The following MTERF3 variants were observed in gnomAD, a reference collection of about 807,000 sequenced individuals.
The protein encoded by MTERF3 is transcription termination factor 3, mitochondrial.
MTERF3 carries 40 observed loss-of-function variants against 40.5 expected under a neutral mutation model. The ratio of observed to expected loss-of-function variants is 0.99; its 90% CI spans 0.77 to 1.29. MTERF3 has a LOEUF of 1.29. Among genes scored for constraint, MTERF3 ranks in the 50% most tolerant of loss-of-function variants. MTERF3 has a pLI of 0.00. For synonymous variants in MTERF3, 158 were observed against 166.6 expected, an observed-to-expected ratio of 0.95 and a Z score of 0.40; for missense variants, 452 against 478.2, an observed-to-expected ratio of 0.95 and a Z score of 0.51.
intron 3 of MTERF3, among the ~76,000 whole-genome samples, chr8:96,252,370 C>G (rs993718322): frequency 5.9e-5 from 9 of 152,126 alleles, no homozygotes; most frequent in African/African-American, 2.2e-4. Flanking sequence ...AAAAAATTAT[C>G]TTTATATCTT....
rs573117503 is a variant in MTERF3, at chr8:96,244,108, C to T, written c.898-28G>A. ...AAAAGAAAGTAAATTTGCTATGAAT[C>T]GTTATGTAGAAATAGTTATTTTGGT... On this transcript the variant is annotated intron_variant, in intron 6 of 7. Coordinates refer to ENST00000287025, the MANE Select transcript of MTERF3 (RefSeq NM_015942.5). 8.5e-5 allele frequency: 134 copies of T among 1,584,670 alleles called. No homozygotes were observed. The Admixed American group carries it at 1.8e-3, about 21-fold the overall frequency.
At chr8:96,250,648 A>AAGG in intron 4 of MTERF3, among the ~76,000 whole-genome samples, 1 of 27,520 alleles carries the variant, frequency 3.6e-5, no homozygotes, top group Admixed American at 2.7e-4. Context: ...GAAGAAGAAG[A>AAGG]AGAAGAAGAA....
intron 3 of MTERF3, 81 bp from the exon 4 acceptor site, chr8:96,251,176 C>T: frequency 8.8e-7 from 1 of 1,134,806 alleles, no homozygotes; most frequent in Non-Finnish European, 1.2e-6. Context: ...CAAGAAATTA[C>T]TGATGGAGAT....
chr8:96,259,935 G>A (rs910723425), intron 1 of MTERF3, among the ~76,000 whole-genome samples: 9 of 151,032 alleles, frequency 6.0e-5, no homozygotes, highest in African/African-American at 2.2e-4. Flanking sequence ...ACGGAGTTTC[G>A]CCCTTGTTGC....
At chr8:96,247,886 G>A (rs1217160473) in intron 4 of MTERF3, among the ~76,000 whole-genome samples, 3 of 151,964 alleles carry the variant, frequency 2.0e-5, no homozygotes, top group South Asian at 2.1e-4. Flanking sequence ...AACGTTTACC[G>A]AAAAAGAAAA....
Position 96,243,843 on chromosome 8 carries a change from G to T in MTERF3, c.1059+76C>A, listed in dbSNP as rs535668805. 7.4e-6 allele frequency: 11 copies of T among 1,483,276 alleles called. No homozygotes were observed. In the South Asian group the frequency reaches 1.4e-4, roughly 18 times the overall value. 91.9% of individuals were successfully genotyped at this position (1,483,276 alleles called of 1,614,324 possible). On this transcript the variant is annotated intron_variant, in intron 7 of 7. Transcript: ENST00000287025. ...AATTGTAAACTCTTCCCAGCGTACAGAACTATGCAGCTGGAGAGCAGCTCC... is the reference window on the plus strand; with the variant it reads ...AATTGTAAACTCTTCCCAGCGTACATAACTATGCAGCTGGAGAGCAGCTCC...
intron 1 of MTERF3, among the ~76,000 whole-genome samples, chr8:96,259,892 T>TTTA (rs749355403): frequency 4.2e-4 from 63 of 151,412 alleles, no homozygotes; most frequent in African/African-American, 1.0e-3. Flanking sequence ...TCTGCAATTA[T>TTTA]TTATTATTAT....
chr8:96,244,895 G>A (rs940918077), intron 6 of MTERF3, among the ~76,000 whole-genome samples: 3 of 152,288 alleles, frequency 2.0e-5, no homozygotes, highest in Non-Finnish European at 2.9e-5. Flanking sequence ...ACATGGGAGC[G>A]CTGCAGGTCA....
intron 3 of MTERF3, among the ~76,000 whole-genome samples, chr8:96,252,444 A>C (rs1810203337): frequency 6.6e-6 from 1 of 152,198 alleles, no homozygotes; most frequent in Non-Finnish European, 1.5e-5. Context: ...AAAACAAAAA[A>C]AATTACGTTT....
At chr8:96,247,520 A>G (rs1403098620) in intron 4 of MTERF3, among the ~76,000 whole-genome samples, 2 of 152,202 alleles carry the variant, frequency 1.3e-5, no homozygotes, top group Non-Finnish European at 2.9e-5. Context: ...CTTGTGAGCC[A>G]AGTGAATTTT....
chr8:96,245,640 A>C (rs1175683305), intron 6 of MTERF3, among the ~76,000 whole-genome samples: 2 of 152,248 alleles, frequency 1.3e-5, no homozygotes, highest in Non-Finnish European at 2.9e-5. Flanking sequence ...AATGTCTGCA[A>C]GGTGATTTAC....
At chr8:96,254,312 T>G (rs1220608225) in intron 3 of MTERF3, among the ~76,000 whole-genome samples, 1 of 152,154 alleles carries the variant, frequency 6.6e-6, no homozygotes, top group African/African-American at 2.4e-5. Flanking sequence ...CTTAACAATT[T>G]TCAAGTATAC....
chr8:96,252,829 G>A lies in MTERF3; in HGVS notation c.488-1734C>T, dbSNP rs369445773. Among the ~76,000 whole-genome samples the A allele has an allele frequency of 3.3e-5, 5 of 152,326 alleles. No homozygotes were observed. In the East Asian group the frequency reaches 5.8e-4, roughly 18 times the overall value. The stretch of plus-strand genomic sequence containing the variant: ...CAGCATGAGCTGTCACACCCTGACT[G>A]TGCTCGAACAGAAATCCTGAAAAGC... On this transcript the variant is annotated intron_variant, in intron 3 of 7. Coordinates refer to ENST00000287025, the MANE Select transcript of MTERF3 (RefSeq NM_015942.5).
At chr8:96,255,580 T>G (rs1810264430) in intron 3 of MTERF3, among the ~76,000 whole-genome samples, 1 of 146,666 alleles carries the variant, frequency 6.8e-6, no homozygotes, top group Non-Finnish European at 1.5e-5. Context: ...CAGGTTGCAG[T>G]GAGCTGAGAT....
intron 2 of MTERF3, 73 bp from the exon 3 acceptor site, chr8:96,257,187 C>G: frequency 7.0e-7 from 1 of 1,419,262 alleles, no homozygotes; most frequent in Non-Finnish European, 9.5e-7. Flanking sequence ...CCAGCTCTTC[C>G]CTTGTTTGCT....
chr8:96,250,452 G>A (rs1810110746), intron 4 of MTERF3, among the ~76,000 whole-genome samples: 1 of 146,300 alleles, frequency 6.8e-6, no homozygotes, highest in Admixed American at 6.8e-5. Flanking sequence ...GCTCATGCCT[G>A]TAAAATCCCA....
At chr8:96,243,763 G>C (rs1266562318) in intron 7 of MTERF3, among the ~76,000 whole-genome samples, 156 bp downstream of exon 7, 1 of 152,190 alleles carries the variant, frequency 6.6e-6, no homozygotes, top group Non-Finnish European at 1.5e-5. Context: ...AGAAACTCCA[G>C]GGAAAGAGAC....
Position 96,260,211 on chromosome 8 carries a change from T to C in MTERF3, c.-11+1290A>G, listed in dbSNP as rs574348099. The C allele has an allele frequency of 5.3e-5, 8 of 152,312 alleles. No individual in the cohort carries two copies. In the East Asian group the frequency reaches 1.2e-3, roughly 22 times the overall value. 9.4% of individuals were successfully genotyped at this position (152,312 alleles called of 1,614,324 possible). On this transcript the variant is annotated intron_variant, in intron 1 of 7. Coordinates refer to ENST00000287025, the MANE Select transcript of MTERF3 (RefSeq NM_015942.5). ...CCACTGCGCTCGGCCCATTCTGCGA[T>C]GATTTTAGAAAAGAAGTAAGTATTC...
rs184378899 is a variant in MTERF3 at position 96,250,531 on chromosome 8, C to T, written c.677+375G>A. 1.1e-3 allele frequency among the ~76,000 whole-genome samples: 156 copies of T among 141,652 alleles called. 5 individuals carry two copies. The East Asian group carries it at 0.017, about 16-fold the overall frequency. The allele number at this position is 141,652 out of a possible 152,430, so 92.9% of individuals were successfully genotyped here. The stretch of plus-strand genomic sequence containing the variant: ...TTCGAGAACAGCCTGGCCAATGTGG[C>T]GAAACCCCATCTCTCCTAAAAATAC... On this transcript the variant is annotated intron_variant, in intron 4 of 7. Coordinates refer to ENST00000287025, the MANE Select transcript of MTERF3 (RefSeq NM_015942.5).
Sources: allele counts gnomAD v4.1 joint callset (sites outside exome capture counted in the v4.1 genomes callset), GRCh38; gene constraint gnomAD v4.1.1; transcripts MANE v1.5; gene names NCBI Gene and HGNC (gene_info 2026-07-23, HGNC 2026-07-21).